Variants in ATAD2B observed in about 807,000 individuals in gnomAD.
ATAD2B encodes ATPase family AAA domain containing 2B.
ATAD2B carries 40 observed loss-of-function variants against 167.6 expected under a neutral mutation model. The ratio of observed to expected loss-of-function variants is 0.24; its 90% CI spans 0.19 to 0.31. The LOEUF is 0.31. Among genes scored for constraint, ATAD2B ranks in the 10% least tolerant of loss-of-function variants. The pLI is 1.00. For missense variants in ATAD2B, 1,242 were observed against 1,757.2 expected (o/e 0.71, Z 5.24); for synonymous variants, 579 against 596.5 (o/e 0.97, Z 0.43).
At chr2:23,893,724 CG>C in intron 2 of ATAD2B, among the ~76,000 whole-genome samples, 2 of 143,640 alleles carry the variant, frequency 1.4e-5, no homozygotes, top group African/African-American at 5.3e-5. Flanking sequence ...GGATGGAGTG[CG>C]ATGGCGTGAT....
intron 1 of ATAD2B, among the ~76,000 whole-genome samples, chr2:23,906,336 G>A (rs564631818): frequency 4.0e-5 from 6 of 151,136 alleles, no homozygotes; most frequent in South Asian, 4.2e-4. Context: ...GGAAGACTCC[G>A]TCTCAAAAAA....
At chr2:23,828,744 C>T in intron 15 of ATAD2B, 105 bp downstream of exon 15, 1 of 689,042 alleles carries the variant, frequency 1.5e-6, no homozygotes, top group Non-Finnish European at 2.5e-6. Flanking sequence ...CAATCTATTG[C>T]ACAATCAAAA....
chr2:23,840,242 C>T (rs747213153), intron 13 of ATAD2B, among the ~76,000 whole-genome samples: 12 of 152,070 alleles, frequency 7.9e-5, no homozygotes, highest in Non-Finnish European at 1.6e-4. Flanking sequence ...TAAAAGTTCT[C>T]CTTTCACCTC....
chr2:23,837,649 C>T (rs1419813036), intron 13 of ATAD2B, among the ~76,000 whole-genome samples: 1 of 152,230 alleles, frequency 6.6e-6, no homozygotes, highest in Non-Finnish European at 1.5e-5. Flanking sequence ...CTGCCGCTGC[C>T]ATCACTGTGA....
the ATAD2B span, chr2:23,684,329 ACT>A: frequency 8.4e-7 from 1 of 1,195,258 alleles, no homozygotes. This position sits in a 1 kb window ranked among gnomAD's most constrained non-coding sequence, Gnocchi z 4.4. Flanking sequence ...AAGAAAAAAA[ACT>A]TTTTTTAATT....
the ATAD2B span, among the ~76,000 whole-genome samples, chr2:23,705,009 G>A: frequency 1.3e-5 from 2 of 152,214 alleles, no homozygotes. Flanking sequence ...TGAAACAGGC[G>A]GTTGGACCAG....
At chr2:23,757,339 A>ACT in intron 25 of ATAD2B, 79 bp downstream of exon 25, 1 of 1,076,104 alleles carries the variant, frequency 9.3e-7, no homozygotes, top group Non-Finnish European at 1.3e-6. Context: ...AACTATTACT[A>ACT]CTGGGAACCA....
chr2:23,754,466 T>C (rs1236126436), intron 26 of ATAD2B, among the ~76,000 whole-genome samples, 159 bp from the exon 27 acceptor site: 1 of 152,184 alleles, frequency 6.6e-6, no homozygotes, highest in Middle Eastern at 3.2e-3. Context: ...CCTTAGAATA[T>C]CTTGGACTAC....
At chr2:23,899,381 T>G (rs1350351343) in intron 1 of ATAD2B, among the ~76,000 whole-genome samples, 1 of 150,802 alleles carries the variant, frequency 6.6e-6, no homozygotes, top group African/African-American at 2.4e-5. Context: ...AATTCAAATA[T>G]GAGCATGTAT....
At chr2:23,819,994 C>G in intron 16 of ATAD2B, 112 bp from the exon 17 acceptor site, 1 of 683,612 alleles carries the variant, frequency 1.5e-6, no homozygotes, top group East Asian at 2.9e-5. Flanking sequence ...AATAAGTTAT[C>G]TATCAAATAA....
chr2:23,909,074 A>C (rs1219351630), intron 1 of ATAD2B, among the ~76,000 whole-genome samples: 1 of 151,382 alleles, frequency 6.6e-6, no homozygotes, highest in Non-Finnish European at 1.5e-5. Flanking sequence ...TGGCACATGT[A>C]TACATATGTA....
intron 27 of ATAD2B, among the ~76,000 whole-genome samples, chr2:23,753,192 C>T (rs1204241577): frequency 6.6e-6 from 1 of 152,090 alleles, no homozygotes; most frequent in Non-Finnish European, 1.5e-5. Context: ...ACAAGTTCTT[C>T]CATGTGGCCA....
At chr2:23,741,381 C>G in the ATAD2B span, among the ~76,000 whole-genome samples, 1 of 152,034 alleles carries the variant, frequency 6.6e-6, no homozygotes, top group South Asian at 2.1e-4. Flanking sequence ...CAGAACACAG[C>G]CCTCAGAAAT....
At chr2:23,743,707 GCC>G (rs1424540906), downstream of ATAD2B, among the ~76,000 whole-genome samples, 1 of 152,010 alleles carries the variant, frequency 6.6e-6, no homozygotes, top group Non-Finnish European at 1.5e-5. Flanking sequence ...GGTCACTGAA[GCC>G]TCAAACTCCC....
intron 1 of ATAD2B, among the ~76,000 whole-genome samples, chr2:23,917,101 T>C (rs1703150599): frequency 6.6e-6 from 1 of 152,224 alleles, no homozygotes; most frequent in Non-Finnish European, 1.5e-5. Flanking sequence ...ATTTTGCAAC[T>C]CAAAAAGAAC....
chr2:23,810,675 G>A (rs1463301450), intron 17 of ATAD2B, among the ~76,000 whole-genome samples, 173 bp from the exon 18 acceptor site: 2 of 151,924 alleles, frequency 1.3e-5, no homozygotes, highest in Non-Finnish European at 2.9e-5. Flanking sequence ...TAAAATGTTG[G>A]TATCTCTGAC....
chr2:23,797,194 T>C (rs887287705), intron 19 of ATAD2B, among the ~76,000 whole-genome samples: 1 of 152,152 alleles, frequency 6.6e-6, no homozygotes, highest in African/African-American at 2.4e-5. Context: ...TTAAAACATG[T>C]AAATCTTTTA....
intron 18 of ATAD2B, chr2:23,800,099 A>T (rs1452535707): frequency 6.6e-6 from 1 of 151,600 alleles, no homozygotes; most frequent in African/African-American, 2.4e-5. Context: ...AAAAAAAAAA[A>T]TTACATGCCA....
intron 1 of ATAD2B, among the ~76,000 whole-genome samples, chr2:23,907,055 C>T (rs1701611067): frequency 1.3e-5 from 2 of 151,164 alleles, no homozygotes; most frequent in African/African-American, 2.5e-5. Context: ...TGAAAACTGG[C>T]ACAACACAGG....
Sources: gnomAD v4.1 joint callset for allele counts (sites outside exome capture counted in the v4.1 genomes callset) on GRCh38, gnomAD v4.1.1 for gene constraint, Gnocchi (gnomAD v3.1) non-coding constraint, MANE v1.5 for transcripts, NCBI Gene and HGNC (gene_info 2026-07-23, HGNC 2026-07-21) for gene names.